The following F5 variants were observed in gnomAD, a reference collection of about 807,000 sequenced individuals.
F5 encodes the protein activated protein c cofactor.
A neutral mutation model predicts 216.4 loss-of-function variants in F5; 138 were observed. That is an observed-to-expected ratio of 0.64 (90% CI 0.56 to 0.73). The LOEUF is 0.73. Ranked by LOEUF, F5 falls within the 30% of genes least tolerant of loss-of-function variation. F5 has a pLI of 0.00. For synonymous variants in F5, 916 were observed against 930.7 expected (o/e 0.98, Z 0.29); for missense variants, 2,403 against 2,674.0 (o/e 0.90, Z 2.24).
rs368393190 is a variant in F5 at position 169,542,754 on chromosome 1, G to A, written c.2336C>T (p.Ser779Phe). 1 of 1,614,118 alleles carries A rather than the reference G, an allele frequency of 6.2e-7. No individual in the cohort carries two copies. Among genetic ancestry groups the A allele is most frequent in the Non-Finnish European group, 8.5e-7 (1 of 1,179,982 alleles). ...AGTGAACTTACTAATATTACTTGGG[G>A]AAGAATAATTTGAACCAACAATTAT... ...TDIIVGSNYS[S>F]PSNISKFTVN... The change falls in exon 13 of 25, where the codon TCC (serine) becomes TTC (phenylalanine). Residue 779 changes from serine (S) to phenylalanine (F), a missense_variant. By Grantham distance (155) the Ser-to-Phe change is radical. Transcript: ENST00000367797.
At chr1:169,567,841 A>G (rs1660643453) in intron 3 of F5, among the ~76,000 whole-genome samples, 1 of 152,120 alleles carries the variant, frequency 6.6e-6, no homozygotes, top group Non-Finnish European at 1.5e-5. Flanking sequence ...TAATTGTGAT[A>G]GGTTTGACCT....
intron 17 of F5, among the ~76,000 whole-genome samples, chr1:169,526,822 T>G (rs1659463856): frequency 6.6e-6 from 1 of 151,948 alleles, no homozygotes; most frequent in Non-Finnish European, 1.5e-5. Context: ...TAAATTTGAC[T>G]GAATCTCTTC....
At chr1:169,552,118 T>C (rs751231617) in intron 8 of F5, among the ~76,000 whole-genome samples, 8 of 152,246 alleles carry the variant, frequency 5.3e-5, no homozygotes, top group Non-Finnish European at 1.0e-4. Flanking sequence ...CTCTCTTTTG[T>C]AGAACTCATT....
chr1:169,542,027 C>A lies in F5; in HGVS notation c.3063G>T (p.Lys1021Asn), dbSNP rs1457970490. 2.5e-6 allele frequency: 4 copies of A among 1,613,916 alleles called. No individual in the cohort carries two copies. The highest frequency in any genetic ancestry group is 1.3e-5 in the African/African-American group (1 of 74,888). The change falls in exon 13 of 25, where the codon AAG becomes AAT. Residue 1021 changes from lysine to asparagine, a missense_variant. By Grantham distance (94) the Lys-to-Asn change is moderately conservative. Coordinates refer to ENST00000367797, the MANE Select transcript of F5 (RefSeq NM_000130.5). ...GTGTCTTAATGAGAAACTGGCTTTT[C>A]TTCAGTCTACTCTTTCCTCCATCCT... ...VRQDGGKSRLKKSQFLIKTRK... is the reference protein window; with the variant it reads ...VRQDGGKSRLNKSQFLIKTRK...
intron 2 of F5, among the ~76,000 whole-genome samples, chr1:169,577,920 G>A (rs1189185245): frequency 1.3e-5 from 2 of 152,030 alleles, no homozygotes; most frequent in East Asian, 1.9e-4. Flanking sequence ...GCAGGAGTGA[G>A]GCTCATGACT....
intron 15 of F5, 122 bp from the exon 16 acceptor site, chr1:169,529,940 T>C (rs906540170): frequency 1.0e-5 from 8 of 776,362 alleles, no homozygotes; most frequent in Non-Finnish European, 1.5e-5. Context: ...ATGAAGATTA[T>C]AAATGAATGG....
In F5 at chr1:169,572,298, T is replaced by G. The variant is rs758755816; in HGVS notation, c.296A>C (p.Lys99Thr). Residue 99 changes from lysine to threonine, a missense_variant, in exon 3 of 25, where the codon AAA (lysine) becomes ACA (threonine). Lys to Thr is a moderately conservative substitution (Grantham distance 78). Coordinates refer to ENST00000367797, the MANE Select transcript of F5 (RefSeq NM_000130.5). ...TLYAEVGDII[K>T]VHFKNKADKP... Reference sequence around the variant, plus strand: ...ATCTGCCTTATTTTTAAAGTGAACTTTTATGATGTCTCCGACTTCAGCATA... The same window carrying G: ...ATCTGCCTTATTTTTAAAGTGAACTGTTATGATGTCTCCGACTTCAGCATA... The G allele has an allele frequency of 3.1e-6, 5 of 1,613,296 alleles. No individual in the cohort carries two copies. Among genetic ancestry groups the G allele is most frequent in the Non-Finnish European group, 4.2e-6 (5 of 1,179,672 alleles).
At chr1:169,546,966 T>TAAAAAAAA (rs11363133) in intron 10 of F5, among the ~76,000 whole-genome samples, 1 of 129,936 alleles carries the variant, frequency 7.7e-6, no homozygotes, top group Non-Finnish European at 1.6e-5. Flanking sequence ...CCGTCTCTAC[T>TAAAAAAAA]AAAAAAAAAA....
At chr1:169,552,406 A>C (rs1307969556) in intron 8 of F5, 151 bp downstream of exon 8, 4 of 691,818 alleles carry the variant, frequency 5.8e-6, no homozygotes, top group Non-Finnish European at 9.6e-6. Context: ...GTAAGCTGTA[A>C]ATAAATACAA....
At position 169,540,904 on chromosome 1, in the gene F5, C is replaced by A; in HGVS notation, c.4186G>T (p.Asp1396Tyr). Residue 1396 changes from aspartate to tyrosine, a missense_variant, in exon 13 of 25, where the codon GAT (aspartate) becomes TAT (tyrosine). Asp to Tyr is a radical substitution (Grantham distance 160). Around this residue, in one of 4 missense-constraint regions of F5, gnomAD observed 293 missense variants for 270.8 expected, o/e 1.08. Coordinates refer to ENST00000367797, the MANE Select transcript of F5 (RefSeq NM_000130.5). ...GGGGTAAGGGGAATTTGACTGAGAT[C>A]TGCAAAGAGGGGCATCTCACTGAGG... Reference protein sequence around the residue: ...PDLSEMPLFADLSQIPLTPDL... With the variant: ...PDLSEMPLFAYLSQIPLTPDL... 3 of 1,611,660 alleles carry A rather than the reference C, an allele frequency of 1.9e-6. No homozygotes were observed. Among genetic ancestry groups the A allele is most frequent in the African/African-American group, 1.3e-5 (1 of 74,998 alleles).
Position 169,549,970 on chromosome 1 carries a change from T to C in F5, c.1442A>G (p.Tyr481Cys). 6.2e-7 allele frequency: 1 copy of C among 1,614,190 alleles called. No homozygotes were observed. The highest frequency in any genetic ancestry group is 8.5e-7 in the Non-Finnish European group (1 of 1,180,032). The change falls in exon 10 of 25, where the codon TAT becomes TGT. Residue 481 changes from tyrosine (Y) to cysteine (C), a missense_variant. Coordinates refer to ENST00000367797, the MANE Select transcript of F5 (RefSeq NM_000130.5). ...CTCTAAGATGTTCCACTTATAAGTA[T>C]AGGTTTCCCCTGGTTGAACTGCTCT... ...MIRAVQPGET[Y>C]TYKWNILEFD...
rs201753673 is a variant in F5 at position 169,524,912 on chromosome 1, T to G, written c.5717-4A>C. The stretch of plus-strand genomic sequence containing the variant: ...AGTCCCATTGGCATCCTACAGTCTA[T>G]GAAAAACAGAAAAAAAATGAATAAT... On this transcript the variant is annotated splice_polypyrimidine_tract_variant and splice_region_variant and intron_variant, in intron 18 of 24. Transcript: ENST00000367797. The G allele has an allele frequency of 2.0e-5, 32 of 1,610,608 alleles. No homozygotes were observed. Among genetic ancestry groups the G allele is most frequent in the Non-Finnish European group, 2.7e-5 (32 of 1,177,326 alleles).
At position 169,532,006 on chromosome 1, in the gene F5, A is replaced by G. The variant is rs567142156; in HGVS notation, c.4972-984T>C. 3.9e-5 allele frequency among the ~76,000 whole-genome samples: 6 copies of G among 152,340 alleles called. No individual in the cohort carries two copies. In the East Asian group the frequency reaches 1.2e-3, roughly 29 times the overall value. On this transcript the variant is annotated intron_variant, in intron 14 of 24. Coordinates refer to ENST00000367797, the MANE Select transcript of F5 (RefSeq NM_000130.5). ...AATTAAAAATTAATTCATCACAATC[A>G]CATAGGCTTCATTCCTAGGATGCAA...
intron 4 of F5, 126 bp downstream of exon 4, chr1:169,560,428 T>C (rs1660446746): frequency 2.4e-6 from 2 of 836,464 alleles, no homozygotes; most frequent in Non-Finnish European, 3.9e-6. Flanking sequence ...TGATCTGGTC[T>C]CCGTGCCGTC....
Position 169,524,776 on chromosome 1 carries a change from T to C in F5, c.5788+61A>G, listed in dbSNP as rs1571561802. 20 of 1,341,260 alleles carry C rather than the reference T, an allele frequency of 1.5e-5. No homozygotes were observed. In the East Asian group the frequency reaches 4.4e-4, roughly 29 times the overall value. 83.1% of individuals were successfully genotyped at this position (1,341,260 alleles called of 1,614,324 possible). On this transcript the variant is annotated intron_variant, in intron 19 of 24. Transcript: ENST00000367797. ...GATAGGATTGTCATGTATGGTTTCATAGGCTGCATGCTGCACAACTGTAGG... is the reference window on the plus strand; with the variant it reads ...GATAGGATTGTCATGTATGGTTTCACAGGCTGCATGCTGCACAACTGTAGG...
chr1:169,530,098 A>T (rs1192835450), intron 15 of F5, among the ~76,000 whole-genome samples: 2 of 152,214 alleles, frequency 1.3e-5, no homozygotes, highest in African/African-American at 4.8e-5. Flanking sequence ...ACTATATTAA[A>T]TGATTTGCCT....
chr1:169,514,287 T>C lies in F5; in HGVS notation c.*26A>G, dbSNP rs1225284728. On this transcript the variant is annotated 3_prime_UTR_variant, in exon 25 of 25. Transcript: ENST00000367797. The stretch of plus-strand genomic sequence containing the variant: ...ATGGTTTGAGGTCTTAAAGAGTCTC[T>C]TCCAGGGGTTTTTGAATGTTCAATT... 3.7e-6 allele frequency: 6 copies of C among 1,612,212 alleles called. No individual in the cohort carries two copies. In the South Asian group the frequency reaches 5.5e-5, roughly 15 times the overall value.
At chr1:169,555,369 A>G (rs1660295985) in intron 6 of F5, 22 bp from the exon 7 acceptor site, 1 of 1,613,208 alleles carries the variant, frequency 6.2e-7, no homozygotes, top group South Asian at 1.1e-5. Context: ...CAGAAAGACA[A>G]TGAAATAACT....
At chr1:169,536,881 T>C (rs1659717060) in intron 13 of F5, among the ~76,000 whole-genome samples, 1 of 152,086 alleles carries the variant, frequency 6.6e-6, no homozygotes, top group African/African-American at 2.4e-5. Flanking sequence ...TATTATTTTA[T>C]AGGTAAGTCT....
Sources: allele counts gnomAD v4.1 joint callset (sites outside exome capture counted in the v4.1 genomes callset), GRCh38; gene constraint gnomAD v4.1.1; regional missense constraint gnomAD v4.1.1; transcripts MANE v1.5; gene names NCBI Gene and HGNC (gene_info 2026-07-23, HGNC 2026-07-21).